Variants in PIGL observed in about 807,000 individuals in gnomAD.
PIGL encodes phosphatidylinositol glycan anchor biosynthesis class L.
In PIGL, 22 loss-of-function variants were observed where a neutral mutation model predicts 31.1. The observed-to-expected ratio is 0.71, with a 90% CI of 0.51 to 1.01. PIGL has a LOEUF of 1.01. Ranked by LOEUF, PIGL falls within the 50% of genes least tolerant of loss-of-function variation. The pLI, the probability that PIGL is intolerant of heterozygous loss-of-function variation, is 0.00. For synonymous variants in PIGL, 131 were observed against 117.4 expected, an observed-to-expected ratio of 1.12 and a Z score of -0.75; for missense variants, 302 against 315.9, an observed-to-expected ratio of 0.96 and a Z score of 0.33.
chr17:16,321,905 G>A (rs368619810), intron 6 of PIGL, among the ~76,000 whole-genome samples: 7 of 148,592 alleles, frequency 4.7e-5, no homozygotes, highest in African/African-American at 1.5e-4. Context: ...CTGCCTCAGC[G>A]TCCCAAGTAG....
chr17:16,288,686 C>T (rs186624061), intron 2 of PIGL, among the ~76,000 whole-genome samples: 57 of 152,170 alleles, frequency 3.7e-4, no homozygotes, highest in Non-Finnish European at 5.0e-4. Flanking sequence ...ATTACAGGCA[C>T]GCACCACTGT....
At chr17:16,282,605 C>T (rs2092921059) in intron 2 of PIGL, among the ~76,000 whole-genome samples, 1 of 152,188 alleles carries the variant, frequency 6.6e-6, no homozygotes, top group Admixed American at 6.6e-5. Context: ...CCTAAAGTCC[C>T]TTCTAACTCC....
At chr17:16,274,036 G>A (rs143744782) in intron 2 of PIGL, among the ~76,000 whole-genome samples, 19 of 152,318 alleles carry the variant, frequency 1.2e-4, no homozygotes, top group African/African-American at 2.9e-4. Context: ...CTCACAGGGC[G>A]TGGTTCAAAG....
chr17:16,296,194 T>C (rs2142828423), intron 2 of PIGL, among the ~76,000 whole-genome samples: 1 of 152,314 alleles, frequency 6.6e-6, no homozygotes, highest in African/African-American at 2.4e-5. Context: ...ATAGAAGTCC[T>C]GGTGATTCAT....
At chr17:16,269,610 A>G (rs1433670295) in intron 2 of PIGL, among the ~76,000 whole-genome samples, 6 of 150,452 alleles carry the variant, frequency 4.0e-5, no homozygotes, top group Non-Finnish European at 7.4e-5. Context: ...TAGATCACCC[A>G]CTGCACTCCA....
At position 16,238,527 on chromosome 17, in the gene PIGL, C is replaced by T. The variant is rs1450103761; in HGVS notation, c.335+4457C>T. ...CTCAGCTCACTGCAACCTCCTCCTC[C>T]TGTGTTCAAGCCATTCTCCTGCCTC... is the stretch of plus-strand genomic sequence containing the variant. On this transcript the variant is annotated intron_variant, in intron 2 of 6. Transcript: ENST00000225609. Among the ~76,000 whole-genome samples, 3 of 148,438 alleles carry T rather than the reference C, an allele frequency of 2.0e-5. No individual in the cohort carries two copies. In the South Asian group the frequency reaches 6.5e-4, roughly 32 times the overall value.
At chr17:16,283,310 T>C (rs2092924318) in intron 2 of PIGL, among the ~76,000 whole-genome samples, 1 of 151,966 alleles carries the variant, frequency 6.6e-6, no homozygotes, top group African/African-American at 2.4e-5. Context: ...GCCAAAACAA[T>C]TGTTTTAATT....
At chr17:16,320,577 T>G (rs970329426) in intron 6 of PIGL, among the ~76,000 whole-genome samples, 2 of 151,854 alleles carry the variant, frequency 1.3e-5, no homozygotes, top group Non-Finnish European at 2.9e-5. Flanking sequence ...AAGGAAAATC[T>G]AAGAGAATAG....
chr17:16,287,273 T>C (rs1271937386), intron 2 of PIGL, among the ~76,000 whole-genome samples: 2 of 152,226 alleles, frequency 1.3e-5, no homozygotes, highest in African/African-American at 4.8e-5. Flanking sequence ...TCTGAAAGAT[T>C]AGAGAGCTAA....
intron 3 of PIGL, among the ~76,000 whole-genome samples, chr17:16,301,951 T>C (rs1053494049): frequency 2.0e-5 from 3 of 152,010 alleles, no homozygotes; most frequent in Non-Finnish European, 2.9e-5. Flanking sequence ...TCCTCCCTCA[T>C]TGGCCTCCCA....
chr17:16,219,065 A>ATTTCT (rs1555846222), intron 1 of PIGL, among the ~76,000 whole-genome samples: 2 of 81,636 alleles, frequency 2.4e-5, no homozygotes, highest in Admixed American at 1.3e-4. Context: ...TTTTTTATAA[A>ATTTCT]TTTTTTTTTT....
chr17:16,217,627 T>TACACTCCA, intron 1 of PIGL, 166 bp downstream of exon 1: 1 of 523,078 alleles, frequency 1.9e-6, no homozygotes, highest in South Asian at 3.3e-5. Context: ...AGCGGCCGGC[T>TACACTCCA]TACCTGGTGG....
intron 1 of PIGL, among the ~76,000 whole-genome samples, chr17:16,219,902 A>G (rs540343299): frequency 2.6e-5 from 4 of 152,224 alleles, no homozygotes; most frequent in Admixed American, 1.3e-4. Context: ...TATTACAACT[A>G]TAGGAGTCAA....
At chr17:16,299,145 T>G (rs2092994221) in intron 2 of PIGL, among the ~76,000 whole-genome samples, 1 of 149,088 alleles carries the variant, frequency 6.7e-6, no homozygotes, top group Non-Finnish European at 1.5e-5. Context: ...GAGGTGGAGG[T>G]TGCGGTGAGC....
At chr17:16,290,040 T>A (rs1385741069) in intron 2 of PIGL, among the ~76,000 whole-genome samples, 1 of 152,032 alleles carries the variant, frequency 6.6e-6, no homozygotes, top group East Asian at 1.9e-4. Flanking sequence ...CCTCCCAAAG[T>A]GCTGGGATTA....
At chr17:16,283,380 A>T (rs2092924555) in intron 2 of PIGL, among the ~76,000 whole-genome samples, 1 of 151,980 alleles carries the variant, frequency 6.6e-6, no homozygotes, top group African/African-American at 2.4e-5. Flanking sequence ...AGGAAGGAGG[A>T]TTGCCTGATC....
intron 2 of PIGL, among the ~76,000 whole-genome samples, chr17:16,267,542 A>G (rs1339829411): frequency 6.6e-6 from 1 of 152,056 alleles, no homozygotes; most frequent in Admixed American, 6.6e-5. Context: ...AGGTCTCAGA[A>G]ATTAGCCTGA....
chr17:16,267,414 C>T (rs1466458022), intron 2 of PIGL, among the ~76,000 whole-genome samples: 2 of 151,988 alleles, frequency 1.3e-5, no homozygotes, highest in African/African-American at 4.8e-5. Flanking sequence ...GCGGGAGAGG[C>T]AGGCACACTT....
At chr17:16,245,502 G>A (rs1039630175) in intron 2 of PIGL, among the ~76,000 whole-genome samples, 6 of 105,776 alleles carry the variant, frequency 5.7e-5, no homozygotes, top group Non-Finnish European at 1.0e-4. Context: ...GTAAGCCAGG[G>A]AGTATATATA....
Sources: gnomAD v4.1 joint callset for allele counts (sites outside exome capture counted in the v4.1 genomes callset) on GRCh38, gnomAD v4.1.1 for gene constraint, MANE v1.5 for transcripts, NCBI Gene and HGNC (gene_info 2026-07-23, HGNC 2026-07-21) for gene names.